Variants in ADGB observed in about 807,000 individuals in gnomAD.
ADGB encodes androglobin, also known as calpain-7-like protein.
A neutral mutation model predicts 210.5 loss-of-function variants in ADGB; 172 were observed. The ratio of observed to expected loss-of-function variants is 0.82; its 90% CI spans 0.72 to 0.93. The LOEUF (loss-of-function observed/expected upper bound fraction) is 0.93. ADGB is among the 40% of genes least tolerant of loss of function. ADGB has a pLI of 0.00. For synonymous variants in ADGB, 658 were observed against 662.7 expected (o/e 0.99, Z 0.11); for missense variants, 2,025 against 1,964.8 (o/e 1.03, Z -0.58).
chr6:146,617,739 C>A (rs912383659), intron 1 of ADGB, among the ~76,000 whole-genome samples: 1 of 151,974 alleles, frequency 6.6e-6, no homozygotes, highest in African/African-American at 2.4e-5. Flanking sequence ...TGCTATGCGT[C>A]TCTTATTGAT....
chr6:146,619,381 T>C (rs565779350), intron 1 of ADGB, among the ~76,000 whole-genome samples: 1 of 152,160 alleles, frequency 6.6e-6, no homozygotes, highest in East Asian at 1.9e-4. Flanking sequence ...TTATTATTGA[T>C]AGATAACGGT....
intron 3 of ADGB, among the ~76,000 whole-genome samples, chr6:146,647,163 C>A (rs4896880): frequency 0.31 from 45,678 of 147,702 alleles, 7,790 homozygotes; most frequent in Middle Eastern, 0.41. Flanking sequence ...ACAAAAAAAA[C>A]CAGATTCCTG....
At chr6:146,751,685 T>C (rs971551031) in intron 26 of ADGB, among the ~76,000 whole-genome samples, 2 of 152,164 alleles carry the variant, frequency 1.3e-5, no homozygotes, top group South Asian at 2.1e-4. Flanking sequence ...TGGCATGAGA[T>C]GGTATCTCAT....
At chr6:146,663,155 AATATATATTTATTATATATTATATATT>A (rs1775888194) in intron 5 of ADGB, among the ~76,000 whole-genome samples, 1 of 141,260 alleles carries the variant, frequency 7.1e-6, no homozygotes, top group South Asian at 2.1e-4. Context: ...ATAAATATAT[AATATATATTTATTATATATTATATATT>A]ATATATAATA....
intron 35 of ADGB, chr6:146,803,351 T>C: frequency 1.2e-6 from 2 of 1,606,836 alleles, no homozygotes; most frequent in Non-Finnish European, 1.7e-6. Context: ...CCAAATATGT[T>C]CGACTGTCAT....
intron 8 of ADGB, among the ~76,000 whole-genome samples, chr6:146,673,726 G>A (rs901634225): frequency 6.6e-6 from 1 of 152,078 alleles, no homozygotes; most frequent in African/African-American, 2.4e-5. Flanking sequence ...CAAGATAGAT[G>A]GTGGTACCAT....
At chr6:146,814,961 AT>A in intron 35 of ADGB, 70 bp from the exon 36 acceptor site, 3 of 1,433,568 alleles carry the variant, frequency 2.1e-6, no homozygotes, top group South Asian at 1.4e-5. Context: ...AAGGAATTTC[AT>A]TTTTTTCTTT....
At chr6:146,727,713 C>CCTAT (rs1776918197) in intron 19 of ADGB, among the ~76,000 whole-genome samples, 1 of 152,144 alleles carries the variant, frequency 6.6e-6, no homozygotes, top group South Asian at 2.1e-4. Context: ...CATAATTGAT[C>CCTAT]CTATCTAATA....
At chr6:146,709,913 T>C (rs1776635649) in intron 13 of ADGB, among the ~76,000 whole-genome samples, 1 of 152,134 alleles carries the variant, frequency 6.6e-6, no homozygotes. Context: ...CTTATGAAGA[T>C]ATTTTCTTAT....
chr6:146,706,449 G>A (rs1435526401), intron 13 of ADGB, among the ~76,000 whole-genome samples: 1 of 151,644 alleles, frequency 6.6e-6, no homozygotes, highest in African/African-American at 2.4e-5. Context: ...TAGTAGAGAC[G>A]AGATTTCACC....
intron 33 of ADGB, among the ~76,000 whole-genome samples, chr6:146,797,507 A>G (rs1380160084): frequency 1.3e-5 from 2 of 152,066 alleles, no homozygotes; most frequent in African/African-American, 2.4e-5. Context: ...AAAATGTGGT[A>G]TATATATATA....
intron 5 of ADGB, among the ~76,000 whole-genome samples, chr6:146,662,578 CTTATTT>C (rs1463647277): frequency 3.3e-5 from 5 of 151,940 alleles, no homozygotes; most frequent in African/African-American, 9.6e-5. Flanking sequence ...CTGTAAATTT[CTTATTT>C]AATAATTCTA....
intron 20 of ADGB, among the ~76,000 whole-genome samples, chr6:146,732,096 A>G (rs1776996598): frequency 6.6e-6 from 1 of 152,210 alleles, no homozygotes; most frequent in Admixed American, 6.5e-5. Context: ...TATCAATTCT[A>G]TGTATGGTAT....
intron 12 of ADGB, among the ~76,000 whole-genome samples, chr6:146,696,561 G>T (rs6570773): frequency 0.55 from 84,002 of 151,626 alleles, 24,817 homozygotes; most frequent in African/African-American, 0.76. Flanking sequence ...GAGGAAAAAT[G>T]TATTAATTAA....
intron 33 of ADGB, among the ~76,000 whole-genome samples, chr6:146,792,262 G>A (rs139914805): frequency 8.5e-5 from 13 of 152,170 alleles, no homozygotes; most frequent in African/African-American, 2.9e-4. Flanking sequence ...TCTGAAGAAC[G>A]ACATTAGAAT....
At chr6:146,730,863 C>G (rs533232690) in intron 20 of ADGB, among the ~76,000 whole-genome samples, 1 of 152,074 alleles carries the variant, frequency 6.6e-6, no homozygotes, top group Non-Finnish European at 1.5e-5. Context: ...TGCTTGAACC[C>G]GGGAGGCAGA....
chr6:146,740,420 C>A, intron 23 of ADGB, 39 bp from the exon 24 acceptor site: 1 of 1,463,374 alleles, frequency 6.8e-7, no homozygotes, highest in Non-Finnish European at 9.1e-7. Context: ...TTTAAAGTGG[C>A]TTTTGCCATT....
At chr6:146,783,365 T>C (rs929055048) in intron 30 of ADGB, among the ~76,000 whole-genome samples, 4 of 152,112 alleles carry the variant, frequency 2.6e-5, no homozygotes, top group Non-Finnish European at 4.4e-5. Flanking sequence ...TTTCAAAGAT[T>C]TCATTTCTTA....
chr6:146,709,692 C>T (rs563295883), intron 13 of ADGB, among the ~76,000 whole-genome samples: 184 of 152,302 alleles, frequency 1.2e-3, no homozygotes, highest in African/African-American at 4.3e-3. Context: ...TAGGGATCTA[C>T]TTTACTGCTT....
Sources: gnomAD v4.1 joint callset for allele counts (sites outside exome capture counted in the v4.1 genomes callset) on GRCh38, gnomAD v4.1.1 for gene constraint, MANE v1.5 for transcripts, NCBI Gene and HGNC (gene_info 2026-07-23, HGNC 2026-07-21) for gene names.